The following RSRC2 variants were observed in gnomAD, a reference collection of about 807,000 sequenced individuals.
RSRC2 encodes arginine and serine rich coiled-coil 2, also known as arginine/serine-rich coiled-coil protein 2.
A neutral mutation model predicts 61.3 loss-of-function variants in RSRC2; 5 were observed. The observed-to-expected ratio is 0.08, with a 90% CI of 0.04 to 0.17. RSRC2 has a LOEUF of 0.17. Among genes scored for constraint, RSRC2 ranks in the 10% least tolerant of loss-of-function variants. The pLI, the probability that RSRC2 is intolerant of heterozygous loss-of-function variation, is 1.00. For missense variants in RSRC2, 381 were observed against 518.8 expected (o/e 0.73, Z 2.58); for synonymous variants, 202 against 166.5 (o/e 1.21, Z -1.64).
chr12:122,510,935 G>C (rs1403470353), intron 7 of RSRC2, among the ~76,000 whole-genome samples, 174 bp downstream of exon 7: 1 of 152,074 alleles, frequency 6.6e-6, no homozygotes, highest in Non-Finnish European at 1.5e-5. Context: ...TGCAGTCCCA[G>C]CTACTCGGTA....
chr12:122,515,056 C>A, intron 6 of RSRC2, 49 bp downstream of exon 6: 3 of 1,584,824 alleles, frequency 1.9e-6, no homozygotes, highest in Non-Finnish European at 2.6e-6. Context: ...CACAATTGAG[C>A]ATTTATTTAA....
chr12:122,524,921 T>C (rs1372849199), intron 1 of RSRC2, among the ~76,000 whole-genome samples: 1 of 152,214 alleles, frequency 6.6e-6, no homozygotes, highest in Non-Finnish European at 1.5e-5. Flanking sequence ...ATAATTTACA[T>C]TTTGTTGCAA....
At chr12:122,526,550 C>A (rs1040195026) in intron 1 of RSRC2, among the ~76,000 whole-genome samples, 10 of 151,936 alleles carry the variant, frequency 6.6e-5, no homozygotes, top group African/African-American at 9.7e-5. Flanking sequence ...AAATCACTAG[C>A]CAGGGTGAAT....
At chr12:122,511,742 T>C (rs961640125) in intron 6 of RSRC2, among the ~76,000 whole-genome samples, 1 of 152,234 alleles carries the variant, frequency 6.6e-6, no homozygotes, top group African/African-American at 2.4e-5. Context: ...AAATTACTTC[T>C]AGCAGTTGAA....
In RSRC2 at chr12:122,515,172, T is replaced by C; in HGVS notation, c.658A>G (p.Thr220Ala). 2 of 1,614,058 alleles carry C rather than the reference T, an allele frequency of 1.2e-6. No individual in the cohort carries two copies. Among genetic ancestry groups the C allele is most frequent in the Non-Finnish European group, 1.7e-6 (2 of 1,179,956 alleles). ...CCTCTGAAGGGAGGTGGACTTGGAG[T>C]CCGGCTTAAACTTCTGCTAAATCTT... ...PRRFSRSLSR[T>A]PSPPPFRGRN... Residue 220 changes from threonine (T) to alanine (A), a missense_variant, in exon 6 of 10, where the codon ACT becomes GCT. Thr to Ala is a moderately conservative substitution (Grantham distance 58, BLOSUM62 0). Around this residue, in one of 4 missense-constraint regions of RSRC2, gnomAD observed 266 missense variants for 270.5 expected, o/e 0.98. Transcript: ENST00000331738.
intron 6 of RSRC2, chr12:122,514,780 AAAT>A: frequency 3.9e-6 from 4 of 1,031,418 alleles, no homozygotes; most frequent in African/African-American, 1.7e-5. Context: ...TTAGATGAGA[AAAT>A]AATAGTTCTT....
At chr12:122,515,418 T>A (rs1593391906) in intron 5 of RSRC2, among the ~76,000 whole-genome samples, 191 bp from the exon 6 acceptor site, 1 of 152,214 alleles carries the variant, frequency 6.6e-6, no homozygotes, top group African/African-American at 2.4e-5. Flanking sequence ...CCCTCATCCC[T>A]TTTTAAGAGA....
At position 122,521,370 on chromosome 12, in the gene RSRC2, C is replaced by G; in HGVS notation, c.207+15G>C. 6.3e-7 allele frequency: 1 copy of G among 1,599,350 alleles called. No individual in the cohort carries two copies. Among genetic ancestry groups the G allele is most frequent in the Non-Finnish European group, 8.6e-7 (1 of 1,167,538 alleles). On this transcript the variant is annotated intron_variant, in intron 3 of 9. Transcript: ENST00000331738. Reference sequence around the variant, plus strand: ...AGTATTTTAAAGTACCTATTCACTACAAAGTGTTAATTACCTCTTTGCTTC... The same window carrying G: ...AGTATTTTAAAGTACCTATTCACTAGAAAGTGTTAATTACCTCTTTGCTTC...
chr12:122,507,575 A>G (rs1256599170), intron 8 of RSRC2, among the ~76,000 whole-genome samples: 1 of 151,738 alleles, frequency 6.6e-6, no homozygotes, highest in Non-Finnish European at 1.5e-5. Flanking sequence ...TACTACTTCT[A>G]TGGTAATATT....
rs1257692921 is a variant in RSRC2 at position 122,504,328 on chromosome 12, G to C, written c.*1199C>G. ...TGGCTCCAGATTTATGTTCAATCTA[G>C]TAACAAAACATTTTCTAGGCTGGCT... On this transcript the variant is annotated 3_prime_UTR_variant, in exon 10 of 10. Transcript: ENST00000331738. 6.6e-6 allele frequency: 1 copy of C among 152,094 alleles called. No homozygotes were observed. Among genetic ancestry groups the C allele is most frequent in the Non-Finnish European group, 1.5e-5 (1 of 68,052 alleles). 9.4% of individuals were successfully genotyped at this position (152,094 alleles called of 1,614,324 possible).
chr12:122,519,149 TA>T (rs751695960), intron 3 of RSRC2, 120 bp from the exon 4 acceptor site: 77 of 725,360 alleles, frequency 1.1e-4, no homozygotes, highest in Non-Finnish European at 1.4e-4. Context: ...GTGTGGCAAA[TA>T]AAAAAAAGAT....
chr12:122,511,251 T>C, intron 6 of RSRC2, 63 bp from the exon 7 acceptor site: 1 of 1,244,580 alleles, frequency 8.0e-7, no homozygotes, highest in African/African-American at 1.5e-5. Context: ...TATATATCTC[T>C]CTATATGTGC....
At chr12:122,517,191 T>A (rs1434454508) in intron 5 of RSRC2, 36 bp downstream of exon 5, 1 of 1,612,352 alleles carries the variant, frequency 6.2e-7, no homozygotes, top group African/African-American at 1.3e-5. Flanking sequence ...TCTCTGAGGG[T>A]CCTATTAAAT....
intron 7 of RSRC2, among the ~76,000 whole-genome samples, chr12:122,509,363 T>C (rs1326281883): frequency 6.6e-6 from 1 of 151,426 alleles, no homozygotes; most frequent in Non-Finnish European, 1.5e-5. Flanking sequence ...GGCAGGAGAA[T>C]CACTTGAACC....
At chr12:122,511,624 TAA>T (rs1384840637) in intron 6 of RSRC2, among the ~76,000 whole-genome samples, 3 of 152,174 alleles carry the variant, frequency 2.0e-5, no homozygotes, top group Non-Finnish European at 2.9e-5. Context: ...CAGACCTTAG[TAA>T]AGTCTTCAAT....
At chr12:122,517,033 C>T (rs189590430) in intron 5 of RSRC2, among the ~76,000 whole-genome samples, 194 bp downstream of exon 5, 1 of 152,318 alleles carries the variant, frequency 6.6e-6, no homozygotes, top group African/African-American at 2.4e-5. Flanking sequence ...AGAGATTTAT[C>T]AATCACGAGA....
intron 5 of RSRC2, among the ~76,000 whole-genome samples, chr12:122,515,648 C>T (rs1484318865): frequency 3.3e-5 from 5 of 152,166 alleles, no homozygotes; most frequent in Non-Finnish European, 5.9e-5. Context: ...TTTTCATCTA[C>T]AGTGAATTTG....
intron 6 of RSRC2, among the ~76,000 whole-genome samples, chr12:122,512,205 A>C (rs538063461): frequency 6.6e-6 from 1 of 152,342 alleles, no homozygotes; most frequent in South Asian, 2.1e-4. Flanking sequence ...GCTATATGTT[A>C]AGTTTACCCT....
chr12:122,522,265 T>C lies in RSRC2; in HGVS notation c.41A>G (p.Glu14Gly). 2 of 1,613,836 alleles carry C rather than the reference T, an allele frequency of 1.2e-6. No homozygotes were observed. The highest frequency in any genetic ancestry group is 8.5e-7 in the Non-Finnish European group (1 of 1,179,896). ...CTTATCTCTATCTGGTGATGTCTTT[T>C]CTGGGGCTAGTCCATCTCGCTCTGT... ...SDTERDGLAPEKTSPDRDKKK... is the reference protein window; with the variant it reads ...SDTERDGLAPGKTSPDRDKKK... Residue 14 changes from glutamate (E) to glycine (G), a missense_variant, in exon 2 of 10, where the codon GAA (glutamate) becomes GGA (glycine). Physicochemically the swap from Glu to Gly is moderately conservative, Grantham distance 98. Around this residue, in one of 4 missense-constraint regions of RSRC2, gnomAD observed 266 missense variants for 270.5 expected, o/e 0.98. Transcript: ENST00000331738.
Sources: allele counts gnomAD v4.1 joint callset (sites outside exome capture counted in the v4.1 genomes callset), GRCh38; gene constraint gnomAD v4.1.1; regional missense constraint gnomAD v4.1.1; transcripts MANE v1.5; gene names NCBI Gene and HGNC (gene_info 2026-07-23, HGNC 2026-07-21).